Variants in ABCA13 observed in about 807,000 individuals in gnomAD.
The protein encoded by ABCA13 is ATP binding cassette subfamily A member 13, also known as ATP-binding cassette sub-family A member 13.
In ABCA13, 476 loss-of-function variants were observed where a neutral mutation model predicts 478.7. The observed-to-expected ratio is 0.99, with a 90% CI of 0.92 to 1.07. ABCA13 has a LOEUF of 1.07. Ranked by LOEUF, ABCA13 falls within the 50% of genes least tolerant of loss-of-function variation. The pLI is 0.00. For missense variants in ABCA13, 6,060 were observed against 5,910.6 expected (o/e 1.03, Z -0.83); for synonymous variants, 2,252 against 2,158.9 (o/e 1.04, Z -1.20).
chr7:48,390,289 G>A (rs904844158), intron 37 of ABCA13, among the ~76,000 whole-genome samples: 2 of 152,170 alleles, frequency 1.3e-5, no homozygotes, highest in East Asian at 1.9e-4. Flanking sequence ...TACATTTTGA[G>A]TCATCCTAAG....
At chr7:48,351,799 T>C (rs558225503) in intron 30 of ABCA13, among the ~76,000 whole-genome samples, 9 of 152,194 alleles carry the variant, frequency 5.9e-5, no homozygotes, top group Admixed American at 3.9e-4. Context: ...ATAGAATCCA[T>C]GTATTTAAGT....
chr7:48,348,349 A>G (rs941597367), intron 29 of ABCA13, among the ~76,000 whole-genome samples: 1 of 152,176 alleles, frequency 6.6e-6, no homozygotes. Context: ...CTCCTCTTTG[A>G]TTGTGTCATC....
chr7:48,438,205 T>C (rs1416112112), intron 42 of ABCA13, among the ~76,000 whole-genome samples: 2 of 152,238 alleles, frequency 1.3e-5, no homozygotes, highest in East Asian at 3.9e-4. Context: ...GAAGGAGAGA[T>C]CAGGAATTGA....
intron 13 of ABCA13, 64 bp from the exon 14 acceptor site, chr7:48,248,175 G>C: frequency 1.4e-6 from 2 of 1,385,982 alleles, no homozygotes; most frequent in South Asian, 1.3e-5. Context: ...TCAAGGCTGC[G>C]TCTCAAATAC....
chr7:48,240,587 A>G (rs944977766), intron 9 of ABCA13, among the ~76,000 whole-genome samples: 14 of 152,314 alleles, frequency 9.2e-5, no homozygotes, highest in African/African-American at 3.4e-4. Context: ...ATTTGTTTAG[A>G]GGTGTATGTT....
At chr7:48,485,673 T>C (rs1829226891) in intron 47 of ABCA13, among the ~76,000 whole-genome samples, 1 of 152,238 alleles carries the variant, frequency 6.6e-6, no homozygotes, top group South Asian at 2.1e-4. Context: ...GCCAAAATGA[T>C]GCTATGTAGC....
intron 59 of ABCA13, among the ~76,000 whole-genome samples, chr7:48,626,098 A>G (rs1238716875): frequency 6.6e-6 from 1 of 152,208 alleles, no homozygotes; most frequent in African/African-American, 2.4e-5. Context: ...TGCAAACATT[A>G]CTGAATGTTT....
chr7:48,358,166 A>AAGGAC (rs377040023), intron 31 of ABCA13, among the ~76,000 whole-genome samples: 1,978 of 135,656 alleles, frequency 0.015, 51 homozygotes, highest in African/African-American at 0.042. Flanking sequence ...AAAAAAAAGA[A>AAGGAC]AGGACAGGAC....
At chr7:48,299,950 G>T (rs1392676636) in intron 23 of ABCA13, among the ~76,000 whole-genome samples, 1 of 152,172 alleles carries the variant, frequency 6.6e-6, no homozygotes, top group East Asian at 1.9e-4. Flanking sequence ...TTAAGTAATT[G>T]GGAGGAGTAT....
At chr7:48,490,254 G>A (rs1333887497) in intron 48 of ABCA13, among the ~76,000 whole-genome samples, 1 of 152,210 alleles carries the variant, frequency 6.6e-6, no homozygotes, top group Non-Finnish European at 1.5e-5. Context: ...ATACAGAGTA[G>A]GGACAGCAGA....
intron 3 of ABCA13, 103 bp downstream of exon 3, chr7:48,198,463 A>G (rs1798237056): frequency 7.6e-7 from 1 of 1,322,616 alleles, no homozygotes; most frequent in Non-Finnish European, 1.0e-6. Context: ...TAGGTCAGAG[A>G]TCATGAGAAG....
intron 48 of ABCA13, among the ~76,000 whole-genome samples, chr7:48,502,471 G>A (rs1453181705): frequency 1.3e-5 from 2 of 152,148 alleles, no homozygotes; most frequent in African/African-American, 4.8e-5. Flanking sequence ...TTATTATTGA[G>A]CTCCCCACAG....
intron 58 of ABCA13, 72 bp downstream of exon 58, chr7:48,594,885 T>A: frequency 7.9e-7 from 1 of 1,265,186 alleles, no homozygotes; most frequent in East Asian, 2.3e-5. Context: ...TGCATTTAGG[T>A]ACCTGCACAG....
chr7:48,436,138 A>G (rs1822800586), intron 42 of ABCA13, among the ~76,000 whole-genome samples: 2 of 151,710 alleles, frequency 1.3e-5, no homozygotes, highest in South Asian at 4.1e-4. Context: ...ACCAGTGAAG[A>G]CATCTGAGCT....
chr7:48,227,409 C>T lies in ABCA13; in HGVS notation c.616C>T (p.Leu206Phe), dbSNP rs1229474120. 1 of 1,613,946 alleles carries T rather than the reference C, an allele frequency of 6.2e-7. No homozygotes were observed. Among genetic ancestry groups the T allele is most frequent in the Non-Finnish European group, 8.5e-7 (1 of 1,179,876 alleles). Residue 206 changes from leucine (L) to phenylalanine (F), a missense_variant, in exon 6 of 62, where the codon CTC (leucine) becomes TTC (phenylalanine). Transcript: ENST00000435803. ...TGGCATGGATGTTGCAGTGAACCTT[C>T]TCCAGACCATTTTGAAGTGAGTGAA... ...EDGMDVAVNL[L>F]QTILNSLISL...
intron 58 of ABCA13, among the ~76,000 whole-genome samples, chr7:48,614,204 T>C (rs1303424426): frequency 6.6e-6 from 1 of 151,162 alleles, no homozygotes; most frequent in African/African-American, 2.4e-5. Flanking sequence ...TTGTGCCTAT[T>C]AGTAAGGCTT....
intron 11 of ABCA13, 81 bp from the exon 12 acceptor site, chr7:48,245,431 C>T: frequency 1.9e-6 from 2 of 1,025,666 alleles, no homozygotes; most frequent in Non-Finnish European, 2.8e-6. Flanking sequence ...TTTCAGGATC[C>T]AGTTTATTGA....
At chr7:48,423,379 G>T (rs1391502951) in intron 41 of ABCA13, among the ~76,000 whole-genome samples, 1 of 152,134 alleles carries the variant, frequency 6.6e-6, no homozygotes, top group Non-Finnish European at 1.5e-5. Flanking sequence ...CAAAAATTTG[G>T]TCAGCTTCAA....
chr7:48,521,750 G>A (rs1005729299), intron 53 of ABCA13, among the ~76,000 whole-genome samples: 1 of 152,058 alleles, frequency 6.6e-6, no homozygotes, highest in African/African-American at 2.4e-5. Flanking sequence ...AAGTTGAATT[G>A]TATTTTAGAA....
Sources: allele counts gnomAD v4.1 joint callset (sites outside exome capture counted in the v4.1 genomes callset), GRCh38; gene constraint gnomAD v4.1.1; transcripts MANE v1.5; gene names NCBI Gene and HGNC (gene_info 2026-07-23, HGNC 2026-07-21).